The following HEATR9 variants were observed in gnomAD, a reference collection of about 807,000 sequenced individuals.
HEATR9 encodes the protein protein HEATR9.
A neutral mutation model predicts 68.2 loss-of-function variants in HEATR9; 54 were observed. The ratio of observed to expected loss-of-function variants is 0.79; its 90% CI spans 0.64 to 0.99. HEATR9 has a LOEUF of 0.99. Among genes scored for constraint, HEATR9 ranks in the 50% least tolerant of loss-of-function variants. The pLI is 0.00. For missense variants in HEATR9, 662 were observed against 679.7 expected, an observed-to-expected ratio of 0.97 and a Z score of 0.29; for synonymous variants, 241 against 253.5, an observed-to-expected ratio of 0.95 and a Z score of 0.47.
chr17:35,855,734 C>T lies in HEATR9; in HGVS notation c.1295G>A (p.Arg432His), dbSNP rs115744817. The T allele has an allele frequency of 1.7e-4, 282 of 1,613,918 alleles. No individual in the cohort carries two copies. The East Asian group carries it at 2.3e-3, about 13-fold the overall frequency. The change falls in exon 14 of 15, where the codon CGC becomes CAC. Residue 432 changes from arginine to histidine, a missense_variant. Arg to His is a conservative substitution (Grantham distance 29). Coordinates refer to ENST00000604834, the MANE Select transcript of HEATR9 (RefSeq NM_152781.4). ...AVISLGVLGIRSPQVFHLLLD... is the reference protein window; with the variant it reads ...AVISLGVLGIHSPQVFHLLLD... Reference sequence around the variant, plus strand: ...GAGCAAGTGGAACACTTGTGGACTGCGGATCCCCAGGACACCCTGGCAGAG... The same window carrying T: ...GAGCAAGTGGAACACTTGTGGACTGTGGATCCCCAGGACACCCTGGCAGAG...
chr17:35,865,292 C>T lies in HEATR9; in HGVS notation c.243G>A (p.Thr81=), dbSNP rs745514084. 11 of 1,613,914 alleles carry T rather than the reference C, an allele frequency of 6.8e-6. No individual in the cohort carries two copies. The highest frequency in any genetic ancestry group is 9.3e-6 in the Non-Finnish European group (11 of 1,179,952). Residue 81 remains threonine (T), a synonymous_variant, in exon 3 of 15, where the codon ACG becomes ACA. Transcript: ENST00000604834. Reference sequence around the variant, plus strand: ...GCTGATCATACAGGTCGTGCCAGTGCGTGTAGATCTCAGGTTTCTTGAAGT... The same window carrying T: ...GCTGATCATACAGGTCGTGCCAGTGTGTGTAGATCTCAGGTTTCTTGAAGT... ...YCYFKKPEIY[T]HWHDLYDQRE...
At chr17:35,862,429 G>A (rs1484787219) in intron 8 of HEATR9, among the ~76,000 whole-genome samples, 1 of 152,156 alleles carries the variant, frequency 6.6e-6, no homozygotes, top group African/African-American at 2.4e-5. Flanking sequence ...TAGGGTCTGA[G>A]GACTCTCTTG....
chr17:35,865,542 A>G, intron 2 of HEATR9, 146 bp from the exon 3 acceptor site: 1 of 606,478 alleles, frequency 1.6e-6, no homozygotes, highest in Non-Finnish European at 2.9e-6. Context: ...CACAGCTACC[A>G]CCTAACCCCT....
chr17:35,864,115 A>T (rs2088106180), intron 6 of HEATR9, 131 bp downstream of exon 6: 1 of 700,972 alleles, frequency 1.4e-6, no homozygotes, highest in Non-Finnish European at 2.6e-6. Flanking sequence ...CATGCTGCAC[A>T]GTGGTGGCTG....
rs748471950 is a variant in HEATR9 at position 35,866,732 on chromosome 17, A to G, written c.130T>C (p.Cys44Arg). Residue 44 changes from cysteine to arginine, a missense_variant, in exon 2 of 15, where the codon TGC (cysteine) becomes CGC (arginine). By Grantham distance (180) the Cys-to-Arg change is radical. Transcript: ENST00000604834. ...AAAGTAAGGGGTCTTACCTGGTAGCAGGACAAGGGCAGATGAACAGGAGCC... is the reference window on the plus strand; with the variant it reads ...AAAGTAAGGGGTCTTACCTGGTAGCGGGACAAGGGCAGATGAACAGGAGCC... ...AMAPVHLPLS[C>R]YQMPKEEFPP... The G allele has an allele frequency of 5.0e-6, 8 of 1,613,962 alleles. No homozygotes were observed. Among genetic ancestry groups the G allele is most frequent in the Non-Finnish European group, 6.8e-6 (8 of 1,179,918 alleles).
chr17:35,855,731 C>T lies in HEATR9; in HGVS notation c.1298G>A (p.Ser433Asn), dbSNP rs1941161229. The stretch of plus-strand genomic sequence containing the variant: ...CAGGAGCAAGTGGAACACTTGTGGA[C>T]TGCGGATCCCCAGGACACCCTGGCA... ...VISLGVLGIR[S>N]PQVFHLLLDL... The change falls in exon 14 of 15, where the codon AGT becomes AAT. Residue 433 changes from serine to asparagine, a missense_variant. Coordinates refer to ENST00000604834, the MANE Select transcript of HEATR9 (RefSeq NM_152781.4). 6.2e-7 allele frequency: 1 copy of T among 1,613,906 alleles called. No individual in the cohort carries two copies. The highest frequency in any genetic ancestry group is 1.3e-5 in the African/African-American group (1 of 74,914).
chr17:35,855,436 C>G, intron 14 of HEATR9, 26 bp from the exon 15 acceptor site: 1 of 1,593,802 alleles, frequency 6.3e-7, no homozygotes, highest in Non-Finnish European at 8.6e-7. Context: ...GGTCCTAGTG[C>G]TGGCTCACTT....
intron 12 of HEATR9, chr17:35,856,482 T>G: frequency 9.9e-7 from 1 of 1,013,610 alleles, no homozygotes; most frequent in Non-Finnish European, 1.5e-6. Context: ...CATGTCATAA[T>G]TTGAGCTTTA....
rs1315728230 is a variant in HEATR9, at chr17:35,856,780, G to A, written c.1178C>T (p.Thr393Ile). 1.2e-6 allele frequency: 2 copies of A among 1,606,326 alleles called. No homozygotes were observed. Among genetic ancestry groups the A allele is most frequent in the Non-Finnish European group, 1.7e-6 (2 of 1,176,350 alleles). Residue 393 changes from threonine (T) to isoleucine (I), a missense_variant, in exon 12 of 15, where the codon ACT (threonine) becomes ATT (isoleucine). Physicochemically the swap from Thr to Ile is moderately conservative, Grantham distance 89. Transcript: ENST00000604834. ...AGGCTTCAACTTGAGCTCTTCCACA[G>A]TTTGAGCCACAGCCTGCCTCACAGC... ...FLAVRQAVAQ[T>I]VEELKLKPTM...
Position 35,865,089 on chromosome 17 carries a change from CCTAAGCTCCTCT to C in HEATR9, c.320+114_320+125del, listed in dbSNP as rs1202178227. The C allele has an allele frequency of 3.0e-6, 4 of 1,332,110 alleles. No individual in the cohort carries two copies. The East Asian group carries it at 7.0e-5, about 23-fold the overall frequency. 82.5% of individuals were successfully genotyped at this position (1,332,110 alleles called of 1,614,324 possible). A position where few individuals can be genotyped will look rare whatever the true frequency, so the allele number is the denominator to read the frequency against. On this transcript the variant is annotated intron_variant, in intron 3 of 14. Transcript: ENST00000604834. ...ATGGAGCTGAGCCAAGCCGAGCCGC[CCTAAGCTCCTCT>C]CTGGGACCTGTAGGCTGACTTGCCT...
rs1322635604 is a variant in HEATR9 at position 35,855,087 on chromosome 17, C to A, written c.1689G>T (p.Arg563=). 1 of 1,613,648 alleles carries A rather than the reference C, an allele frequency of 6.2e-7. No individual in the cohort carries two copies. The highest frequency in any genetic ancestry group is 1.1e-5 in the South Asian group (1 of 91,038). Residue 563 remains arginine, a synonymous_variant, in exon 15 of 15, where the codon CGG becomes CGT. Transcript: ENST00000604834. ...PWQPRIKKQL[R]VLAEIAK ...CTTATTTGGCAATTTCAGCAAGGAC[C>A]CGGAGCTGTTTCTTGATCCTTGGCT...
chr17:35,856,424 A>G, intron 12 of HEATR9, 200 bp from the exon 13 acceptor site: 1 of 1,404,108 alleles, frequency 7.1e-7, no homozygotes, highest in Non-Finnish European at 9.8e-7. Context: ...GCACTGAATG[A>G]TGATCAGGAC....
intron 1 of HEATR9, among the ~76,000 whole-genome samples, chr17:35,867,832 G>A (rs1336380523): frequency 6.6e-6 from 1 of 152,130 alleles, no homozygotes; most frequent in Non-Finnish European, 1.5e-5. Flanking sequence ...GGCTGCTGGA[G>A]TGCAGTGTCA....
At position 35,858,881 on chromosome 17, in the gene HEATR9, C is replaced by G; in HGVS notation, c.939+7G>C. On this transcript the variant is annotated splice_region_variant and intron_variant, in intron 9 of 14. Coordinates refer to ENST00000604834, the MANE Select transcript of HEATR9 (RefSeq NM_152781.4). ...CCCCAGGGATCCCAGCCTCCTGCCCCTCACACCTTCATCCGCTGGGTCTTG... is the reference window on the plus strand; with the variant it reads ...CCCCAGGGATCCCAGCCTCCTGCCCGTCACACCTTCATCCGCTGGGTCTTG... 6.2e-7 allele frequency: 1 copy of G among 1,612,654 alleles called. No homozygotes were observed. The highest frequency in any genetic ancestry group is 8.5e-7 in the Non-Finnish European group (1 of 1,179,466).
chr17:35,858,765 C>T, intron 9 of HEATR9, 123 bp downstream of exon 9: 1 of 1,109,770 alleles, frequency 9.0e-7, no homozygotes, highest in Non-Finnish European at 1.3e-6. Context: ...CATACATGGA[C>T]ATAGTCATAA....
Position 35,864,867 on chromosome 17 carries a change from G to A in HEATR9, c.344C>T (p.Thr115Ile). The A allele has an allele frequency of 6.2e-7, 1 of 1,614,198 alleles. No individual in the cohort carries two copies. Among genetic ancestry groups the A allele is most frequent in the Non-Finnish European group, 8.5e-7 (1 of 1,180,028 alleles). The change falls in exon 4 of 15, where the codon ACC becomes ATC. Residue 115 changes from threonine to isoleucine, a missense_variant. Physicochemically the swap from Thr to Ile is moderately conservative, Grantham distance 89. Transcript: ENST00000604834. ...TGGGAGATGGAACATTTTGATGTGG[G>A]TTTGATGTACCTCTTTGATGTACCT... is the stretch of plus-strand genomic sequence containing the variant. ...DCRYIKEVHQ[T>I]HIKMFHLPMS...
chr17:35,855,074 T>C lies in HEATR9; in HGVS notation c.1702A>G (p.Ile568Val). The change falls in exon 15 of 15, where the codon ATT (isoleucine) becomes GTT (valine). Residue 568 changes from isoleucine to valine, a missense_variant. Ile to Val is a conservative substitution (Grantham distance 29). Coordinates refer to ENST00000604834, the MANE Select transcript of HEATR9 (RefSeq NM_152781.4). ...IKKQLRVLAE[I>V]AK ...CCCAAAGAATTGACTTATTTGGCAA[T>C]TTCAGCAAGGACCCGGAGCTGTTTC... 6.2e-7 allele frequency: 1 copy of C among 1,611,182 alleles called. No homozygotes were observed. Among genetic ancestry groups the C allele is most frequent in the Non-Finnish European group, 8.5e-7 (1 of 1,178,830 alleles).
intron 8 of HEATR9, among the ~76,000 whole-genome samples, 197 bp from the exon 9 acceptor site, chr17:35,859,267 C>T (rs2087891272): frequency 1.3e-5 from 2 of 152,176 alleles, no homozygotes; most frequent in African/African-American, 4.8e-5. Flanking sequence ...ATGGATGGAT[C>T]ACTGTTACTC....
rs1479626848 is a variant in HEATR9 at position 35,864,822 on chromosome 17, T to A, written c.389A>T (p.Lys130Ile). The A allele has an allele frequency of 6.2e-7, 1 of 1,614,158 alleles. No homozygotes were observed. The change falls in exon 4 of 15, where the codon AAA becomes ATA. Residue 130 changes from lysine (K) to isoleucine (I), a missense_variant. By Grantham distance (102) the Lys-to-Ile change is moderately radical. Coordinates refer to ENST00000604834, the MANE Select transcript of HEATR9 (RefSeq NM_152781.4). ...TAAGGGCCTGGATCGCATCTCAGAT[T>A]TTATAGTCAGCTTGCTCATTGGGAG... Reference protein sequence around the residue: ...FHLPMSKLTIKSEMRSRPLEP... With the variant: ...FHLPMSKLTIISEMRSRPLEP...
Sources: allele counts gnomAD v4.1 joint callset (sites outside exome capture counted in the v4.1 genomes callset), GRCh38; gene constraint gnomAD v4.1.1; transcripts MANE v1.5; gene names NCBI Gene and HGNC (gene_info 2026-07-23, HGNC 2026-07-21).